The following KALRN variants were observed in gnomAD, a reference collection of about 807,000 sequenced individuals.
KALRN encodes kalirin.
Under a neutral mutation model 353.7 loss-of-function variants are expected in KALRN, and 70 were observed. The observed-to-expected ratio is 0.20, with a 90% CI of 0.16 to 0.24. The LOEUF (loss-of-function observed/expected upper bound fraction) is 0.24. Ranked by LOEUF, KALRN falls within the 10% of genes least tolerant of loss-of-function variation. KALRN has a pLI of 1.00. For missense variants in KALRN, 2,791 were observed against 3,756.7 expected (o/e 0.74, Z 6.72); for synonymous variants, 1,391 against 1,434.8 (o/e 0.97, Z 0.69).
At chr3:124,577,168 C>G (rs2074195407) in intron 34 of KALRN, among the ~76,000 whole-genome samples, 2 of 151,830 alleles carry the variant, frequency 1.3e-5, no homozygotes, top group African/African-American at 2.4e-5. Context: ...CACCCCCCTA[C>G]CTTGAACCTG....
intron 1 of KALRN, among the ~76,000 whole-genome samples, chr3:124,118,057 G>T (rs1427572510): frequency 1.3e-5 from 2 of 152,156 alleles, no homozygotes; most frequent in African/African-American, 2.4e-5. Context: ...GATCCATCTT[G>T]CCTCCTCTTA....
At chr3:124,242,649 C>G (rs4608635) in intron 3 of KALRN, among the ~76,000 whole-genome samples, 104,118 of 152,122 alleles carry the variant, frequency 0.68, 35,768 homozygotes, top group East Asian at 0.83. Flanking sequence ...CTTCAGACTT[C>G]CTTTCCTGAA....
chr3:124,175,413 G>A (rs928758943), intron 1 of KALRN, among the ~76,000 whole-genome samples: 4 of 151,854 alleles, frequency 2.6e-5, no homozygotes, highest in Non-Finnish European at 4.4e-5. Flanking sequence ...TCCAGGATGC[G>A]GAGATGCGCG....
At chr3:124,655,569 G>A (rs2083919060) in intron 38 of KALRN, 32 bp from the exon 39 acceptor site, 4 of 1,574,256 alleles carry the variant, frequency 2.5e-6, no homozygotes, top group Non-Finnish European at 3.5e-6. Context: ...ACAATGAAGA[G>A]GAACACTCAC....
intron 13 of KALRN, among the ~76,000 whole-genome samples, chr3:124,402,589 A>G (rs1193099939): frequency 6.6e-6 from 1 of 152,174 alleles, no homozygotes; most frequent in East Asian, 1.9e-4. Flanking sequence ...AATGAAAAAT[A>G]TTTTTAGAAG....
chr3:124,674,465 C>T lies in KALRN; in HGVS notation c.7044C>T (p.Val2348=). ...NEICVSQGEV[V]QVLAVNQQNM... is the part of the protein sequence containing the mutation. The stretch of plus-strand genomic sequence containing the variant: ...TCTGTGTGAGCCAAGGTGAGGTGGT[C>T]CAGGTCCTCGCCGTCAACCAGCAGA... The change falls in exon 49 of 60, where the codon GTC becomes GTT. Residue 2348 remains valine, a synonymous_variant. Transcript: ENST00000682506. 1 of 1,614,002 alleles carries T rather than the reference C, an allele frequency of 6.2e-7. No individual in the cohort carries two copies. The highest frequency in any genetic ancestry group is 8.5e-7 in the Non-Finnish European group (1 of 1,180,012).
chr3:124,395,392 G>C (rs1297614365), intron 12 of KALRN, 49 bp downstream of exon 12: 9 of 1,487,270 alleles, frequency 6.1e-6, no homozygotes, highest in Non-Finnish European at 8.3e-6. Flanking sequence ...GGCTAGACGT[G>C]AGATAAGTCC....
chr3:124,418,308 A>G (rs544379707), intron 14 of KALRN, among the ~76,000 whole-genome samples: 46 of 152,324 alleles, frequency 3.0e-4, no homozygotes, highest in African/African-American at 1.1e-3. Context: ...AAAAATACCA[A>G]TGTCTGGGCT....
intron 33 of KALRN, among the ~76,000 whole-genome samples, chr3:124,534,957 C>T (rs74742136): frequency 0.015 from 2,331 of 152,086 alleles, 52 homozygotes; most frequent in African/African-American, 0.052. Flanking sequence ...GGGTAGAATG[C>T]CTGTTTCTAG....
At chr3:124,388,898 T>G (rs1282381282) in intron 11 of KALRN, among the ~76,000 whole-genome samples, 1 of 152,190 alleles carries the variant, frequency 6.6e-6, no homozygotes, top group Non-Finnish European at 1.5e-5. Context: ...TATTTGATCC[T>G]GAGTTCATTA....
chr3:124,329,972 G>A lies in KALRN; in HGVS notation c.1396G>A (p.Val466Met). 3 of 1,613,800 alleles carry A rather than the reference G, an allele frequency of 1.9e-6. No individual in the cohort carries two copies. The highest frequency in any genetic ancestry group is 2.5e-6 in the Non-Finnish European group (3 of 1,179,878). Residue 466 changes from valine to methionine, a missense_variant, in exon 8 of 60, where the codon GTG (valine) becomes ATG (methionine). Physicochemically the swap from Val to Met is conservative, Grantham distance 21 (BLOSUM62 1). Coordinates refer to ENST00000682506, the MANE Select transcript of KALRN (RefSeq NM_001388419.1). ...CCACCACCAGACCTTGTATGAGCAG[G>A]TGACCCAAGCCTACACAGAGGTGAG... ...IHHHQTLYEQ[V>M]TQAYTEVSQD...
chr3:124,336,803 C>G (rs936150363), intron 9 of KALRN, among the ~76,000 whole-genome samples: 1 of 152,138 alleles, frequency 6.6e-6, no homozygotes, highest in Non-Finnish European at 1.5e-5. Flanking sequence ...TTATTTGTGT[C>G]CTTTTATTTC....
chr3:124,439,163 T>A, intron 18 of KALRN, 126 bp downstream of exon 18: 1 of 800,354 alleles, frequency 1.2e-6, no homozygotes, highest in East Asian at 3.2e-5. Context: ...CTCTTTCTCT[T>A]TCTCCTCCTC....
chr3:124,439,172 T>C, intron 18 of KALRN, 135 bp downstream of exon 18: 4 of 708,152 alleles, frequency 5.6e-6, no homozygotes, highest in Admixed American at 5.6e-5. Flanking sequence ...TTTCTCCTCC[T>C]CCTCCTTCTT....
At chr3:124,241,147 C>G (rs575684477) in intron 3 of KALRN, among the ~76,000 whole-genome samples, 1 of 152,318 alleles carries the variant, frequency 6.6e-6, no homozygotes, top group South Asian at 2.1e-4. Context: ...CATTCTGACT[C>G]TCCTACTTCC....
At chr3:124,144,490 C>T (rs1168985812) in intron 1 of KALRN, among the ~76,000 whole-genome samples, 4 of 152,092 alleles carry the variant, frequency 2.6e-5, no homozygotes, top group South Asian at 2.1e-4. Context: ...CCATCATCCT[C>T]GTCCTCCTCC....
intron 37 of KALRN, among the ~76,000 whole-genome samples, chr3:124,649,068 AG>A (rs929690465): frequency 3.9e-5 from 6 of 152,040 alleles, no homozygotes; most frequent in Admixed American, 1.3e-4. Flanking sequence ...TCCAGTTTCT[AG>A]TGTTGGTAAC....
At chr3:124,377,960 A>AG (rs1429016205) in intron 10 of KALRN, among the ~76,000 whole-genome samples, 1 of 152,032 alleles carries the variant, frequency 6.6e-6, no homozygotes, top group Non-Finnish European at 1.5e-5. Flanking sequence ...CATTCCCTGT[A>AG]GACAGCATAT....
chr3:124,490,144 G>C (rs115597017), intron 29 of KALRN, among the ~76,000 whole-genome samples: 210 of 152,220 alleles, frequency 1.4e-3, no homozygotes, highest in African/African-American at 4.6e-3. Context: ...CTATGACCCA[G>C]CTACTTGGGA....
Sources: allele counts gnomAD v4.1 joint callset (sites outside exome capture counted in the v4.1 genomes callset), GRCh38; gene constraint gnomAD v4.1.1; transcripts MANE v1.5; gene names NCBI Gene and HGNC (gene_info 2026-07-23, HGNC 2026-07-21).